TMEM204: variants seen among roughly 807,000 people sequenced by gnomAD.
TMEM204 encodes the protein transmembrane protein 204.
TMEM204 carries 15 observed loss-of-function variants against 19.4 expected under a neutral mutation model. That is an observed-to-expected ratio of 0.77 (90% CI 0.52 to 1.19). TMEM204 has a LOEUF of 1.19. Among genes scored for constraint, TMEM204 ranks in the 50% most tolerant of loss-of-function variants. The pLI is 0.00. For synonymous variants in TMEM204, 161 were observed against 146.0 expected, an observed-to-expected ratio of 1.10 and a Z score of -0.74; for missense variants, 287 against 321.2, an observed-to-expected ratio of 0.89 and a Z score of 0.81.
chr16:1,541,918 C>T lies in TMEM204; in HGVS notation c.281-3C>T, dbSNP rs1309762455. Reference sequence around the variant, plus strand: ...CCACTGCCTCTCTGCTCTTGGCCCACAGTGCAGTTCGACATGATGCGCGCC... The same window carrying T: ...CCACTGCCTCTCTGCTCTTGGCCCATAGTGCAGTTCGACATGATGCGCGCC... On this transcript the variant is annotated splice_polypyrimidine_tract_variant and splice_region_variant and intron_variant, in intron 1 of 2. Coordinates refer to ENST00000566264, the MANE Select transcript of TMEM204 (RefSeq NM_024600.6). 6.3e-7 allele frequency: 1 copy of T among 1,590,818 alleles called. No homozygotes were observed. Among genetic ancestry groups the T allele is most frequent in the African/African-American group, 1.3e-5 (1 of 74,630 alleles).
At chr16:1,541,201 G>A in intron 1 of TMEM204, 1 of 985,448 alleles carries the variant, frequency 1.0e-6, no homozygotes, top group Non-Finnish European at 1.2e-6. Flanking sequence ...CAGGCCTGCT[G>A]TGAGTGGGGA....
Position 1,553,942 on chromosome 16 carries a change from T to C in TMEM204, c.437-840T>C, listed in dbSNP as rs2032882396. 1 of 1,286,550 alleles carries C rather than the reference T, an allele frequency of 7.8e-7. No individual in the cohort carries two copies. Among genetic ancestry groups the C allele is most frequent in the Non-Finnish European group, 1.0e-6 (1 of 988,196 alleles). The allele number at this position is 1,286,550 out of a possible 1,614,324, so 79.7% of individuals were successfully genotyped here. A position where few individuals can be genotyped will look rare whatever the true frequency, so the allele number is the denominator to read the frequency against. On this transcript the variant is annotated intron_variant, in intron 2 of 2. Transcript: ENST00000566264. This position sits in a 1 kb window ranked among gnomAD's most constrained non-coding sequence, Gnocchi z 4.4. ...CTTTGGAGCTCCTCAAAGATAAAAC[T>C]GTAAGTGAAACTGTAGCATCAGCGA...
At chr16:1,541,292 T>TG in intron 1 of TMEM204, 1 of 984,732 alleles carries the variant, frequency 1.0e-6, no homozygotes, top group Non-Finnish European at 1.2e-6. Flanking sequence ...GGGGGGCAGG[T>TG]GGGGGGCACT....
Position 1,541,835 on chromosome 16 carries a change from CA to C in TMEM204, c.281-85del, listed in dbSNP as rs901507449. 6.5e-5 allele frequency: 94 copies of C among 1,454,844 alleles called. No individual in the cohort carries two copies. The African/African-American group carries it at 1.3e-3, about 20-fold the overall frequency. The allele number at this position is 1,454,844 out of a possible 1,614,324, so 90.1% of individuals were successfully genotyped here. A position where few individuals can be genotyped will look rare whatever the true frequency, so the allele number is the denominator to read the frequency against. On this transcript the variant is annotated intron_variant, in intron 1 of 2. Coordinates refer to ENST00000566264, the MANE Select transcript of TMEM204 (RefSeq NM_024600.6). ...TGCCGACCGCCCTTTCCGAGGCAAA[CA>C]GAGACCACGAAAGTGGCGTGACGGC...
At chr16:1,533,430 TA>T (rs1174488072), upstream of TMEM204, 3 of 152,244 alleles carry the variant, frequency 2.0e-5, no homozygotes, top group Non-Finnish European at 2.9e-5. This position sits in a 1 kb window ranked among gnomAD's most constrained non-coding sequence, Gnocchi z 4.7. Context: ...CCACCAGGCT[TA>T]AAAGCAACAG....
rs191865055 is a variant in TMEM204 at position 1,552,035 on chromosome 16, G to A, written c.437-2747G>A. Among the ~76,000 whole-genome samples the A allele has an allele frequency of 5.9e-5, 9 of 152,280 alleles. No individual in the cohort carries two copies. The East Asian group carries it at 1.2e-3, about 20-fold the overall frequency. On this transcript the variant is annotated intron_variant, in intron 2 of 2. Coordinates refer to ENST00000566264, the MANE Select transcript of TMEM204 (RefSeq NM_024600.6). Reference sequence around the variant, plus strand: ...CTGACCCCCACGGCAACCGCAGACCGTGAGGGAGGTTGACCCTGGAAGCCA... The same window carrying A: ...CTGACCCCCACGGCAACCGCAGACCATGAGGGAGGTTGACCCTGGAAGCCA...
chr16:1,538,464 T>C (rs949735315), intron 1 of TMEM204, among the ~76,000 whole-genome samples: 1 of 152,192 alleles, frequency 6.6e-6, no homozygotes, highest in East Asian at 1.9e-4. Context: ...ACCTCGGTCA[T>C]GCCATTCTGG....
Position 1,541,969 on chromosome 16 carries a change from T to G in TMEM204, c.329T>G (p.Leu110Arg). ...RACNLVATAA[L>R]TAGQLTFLLG... ...TGCAACCTGGTGGCCACGGCCGCGC[T>G]CACCGCAGGCCAGCTCACCTTCCTC... is the stretch of plus-strand genomic sequence containing the variant. Residue 110 changes from leucine (L) to arginine (R), a missense_variant, in exon 2 of 3, where the codon CTC becomes CGC. Transcript: ENST00000566264. 1 of 1,610,660 alleles carries G rather than the reference T, an allele frequency of 6.2e-7. No homozygotes were observed. The highest frequency in any genetic ancestry group is 8.5e-7 in the Non-Finnish European group (1 of 1,179,518).
intron 1 of TMEM204, among the ~76,000 whole-genome samples, chr16:1,539,714 T>C (rs778594338): frequency 1.3e-5 from 2 of 152,172 alleles, no homozygotes; most frequent in Non-Finnish European, 2.9e-5. Flanking sequence ...GCGAGAAAAA[T>C]GAGCGAGGGG....
intron 2 of TMEM204, among the ~76,000 whole-genome samples, chr16:1,544,146 T>TA (rs1190459639): frequency 6.7e-6 from 1 of 150,126 alleles, no homozygotes; most frequent in East Asian, 2.0e-4. Context: ...GCCTCCCGTG[T>TA]AGGTGGGATT....
At chr16:1,540,481 G>T (rs548807644) in intron 1 of TMEM204, among the ~76,000 whole-genome samples, 1 of 152,350 alleles carries the variant, frequency 6.6e-6, no homozygotes, top group South Asian at 2.1e-4. Flanking sequence ...CGTGCTCTGA[G>T]GAGGCAGCTT....
chr16:1,554,404 C>A (rs1006286831), intron 2 of TMEM204, among the ~76,000 whole-genome samples: 49 of 152,194 alleles, frequency 3.2e-4, no homozygotes, highest in African/African-American at 1.2e-3. Context: ...AGGAAAGGCC[C>A]CCCCAAGTTG....
At chr16:1,537,287 T>C (rs2141255073) in intron 1 of TMEM204, among the ~76,000 whole-genome samples, 1 of 152,340 alleles carries the variant, frequency 6.6e-6, no homozygotes, top group East Asian at 1.9e-4. Flanking sequence ...CCTCGGGGTT[T>C]CCGGATGTCG....
chr16:1,540,117 G>T (rs375469664), intron 1 of TMEM204, among the ~76,000 whole-genome samples: 1 of 152,178 alleles, frequency 6.6e-6, no homozygotes, highest in Non-Finnish European at 1.5e-5. Flanking sequence ...ATGCTGGGAC[G>T]CCGAAAGCCT....
chr16:1,532,218 C>CG (rs1555480283), upstream of TMEM204: 2 of 152,302 alleles, frequency 1.3e-5, no homozygotes, highest in Non-Finnish European at 2.9e-5. Flanking sequence ...CGTCAGGTTC[C>CG]GGGGGCTGAG....
chr16:1,554,068 G>A lies in TMEM204; in HGVS notation c.437-714G>A. 4.7e-6 allele frequency: 6 copies of A among 1,287,150 alleles called. No homozygotes were observed. The South Asian group carries it at 4.9e-5, about 11-fold the overall frequency. The allele number at this position is 1,287,150 out of a possible 1,614,324, so 79.7% of individuals were successfully genotyped here. On this transcript the variant is annotated intron_variant, in intron 2 of 2. Coordinates refer to ENST00000566264, the MANE Select transcript of TMEM204 (RefSeq NM_024600.6). ...GGAAAGAGAGGGGAAAGCATGGAAGGAAAATCTGCCAGGGAGGAGGGAGGG... is the reference window on the plus strand; with the variant it reads ...GGAAAGAGAGGGGAAAGCATGGAAGAAAAATCTGCCAGGGAGGAGGGAGGG...
intron 2 of TMEM204, among the ~76,000 whole-genome samples, chr16:1,542,923 C>T (rs1376870473): frequency 2.0e-5 from 3 of 152,234 alleles, no homozygotes; most frequent in Admixed American, 6.5e-5. Context: ...ATGGAGTTGT[C>T]GTCAACGACC....
At chr16:1,552,259 C>G (rs8050274) in intron 2 of TMEM204, among the ~76,000 whole-genome samples, 1 of 152,090 alleles carries the variant, frequency 6.6e-6, no homozygotes, top group Non-Finnish European at 1.5e-5. Context: ...CTCCCGCCCT[C>G]GAGGGTCTCA....
intron 1 of TMEM204, among the ~76,000 whole-genome samples, chr16:1,536,513 A>T (rs1202626111): frequency 2.0e-5 from 3 of 152,236 alleles, no homozygotes; most frequent in Non-Finnish European, 4.4e-5. Context: ...GAACCTGAGC[A>T]GCGAAGGTTT....
Sources: allele counts gnomAD v4.1 joint callset (sites outside exome capture counted in the v4.1 genomes callset), GRCh38; gene constraint gnomAD v4.1.1; non-coding constraint Gnocchi (gnomAD v3.1); transcripts MANE v1.5; gene names NCBI Gene and HGNC (gene_info 2026-07-23, HGNC 2026-07-21).